DRC11: variants seen among roughly 807,000 people sequenced by gnomAD.
DRC11 encodes the protein dynein regulatory complex subunit 11.
the DRC11 span, among the ~76,000 whole-genome samples, chr2:236,462,867 T>C: frequency 6.6e-6 from 1 of 152,162 alleles, no homozygotes. This position sits in a 1 kb window ranked among gnomAD's most constrained non-coding sequence, Gnocchi z 6.4. Context: ...ACAGTTAACA[T>C]GAAAGAGACT....
At chr2:236,431,406 A>G in the DRC11 span, among the ~76,000 whole-genome samples, 2 of 152,208 alleles carry the variant, frequency 1.3e-5, no homozygotes, top group South Asian at 4.1e-4. This position sits in a 1 kb window ranked among gnomAD's most constrained non-coding sequence, Gnocchi z 4.2. Flanking sequence ...GCAAAGGAGG[A>G]AAAGCCCCTT....
chr2:236,486,425 ACTAATCCAC>A, the DRC11 span, among the ~76,000 whole-genome samples: 2 of 152,120 alleles, frequency 1.3e-5, no homozygotes, highest in South Asian at 2.1e-4. This position sits in a 1 kb window ranked among gnomAD's most constrained non-coding sequence, Gnocchi z 5.7. Context: ...ACAATAGATA[ACTAATCCAC>A]CTAATCCACC....
chr2:236,449,326 G>GGAGGCACCTGCCC, the DRC11 span, among the ~76,000 whole-genome samples: 1 of 152,134 alleles, frequency 6.6e-6, no homozygotes, highest in Non-Finnish European at 1.5e-5. This position sits in a 1 kb window ranked among gnomAD's most constrained non-coding sequence, Gnocchi z 5.1. Flanking sequence ...CTCTGCTGTA[G>GGAGGCACCTGCCC]GAGGCACCTG....
At chr2:236,364,295 CTTTT>C in the DRC11 span, among the ~76,000 whole-genome samples, 5 of 128,624 alleles carry the variant, frequency 3.9e-5, no homozygotes, top group East Asian at 2.2e-4. Context: ...TTACCTCTGG[CTTTT>C]TTTTTTTTTT....
At chr2:236,433,901 T>G in the DRC11 span, among the ~76,000 whole-genome samples, 1 of 152,248 alleles carries the variant, frequency 6.6e-6, no homozygotes, top group Admixed American at 6.5e-5. Flanking sequence ...TTAAGAAATA[T>G]TTTATAATGT....
the DRC11 span, among the ~76,000 whole-genome samples, chr2:236,377,455 C>A: frequency 6.6e-6 from 1 of 152,166 alleles, no homozygotes; most frequent in Non-Finnish European, 1.5e-5. This position sits in a 1 kb window ranked among gnomAD's most constrained non-coding sequence, Gnocchi z 4.9. Context: ...GCTCTAACTC[C>A]TGCAGTCTGC....
chr2:236,504,262 ACT>A, the DRC11 span, among the ~76,000 whole-genome samples: 1 of 151,776 alleles, frequency 6.6e-6, no homozygotes, highest in African/African-American at 2.4e-5. This position sits in a 1 kb window ranked among gnomAD's most constrained non-coding sequence, Gnocchi z 5.0. Context: ...ATTCATCCAC[ACT>A]GTCGCATACT....
At chr2:236,494,856 C>A in the DRC11 span, among the ~76,000 whole-genome samples, 2 of 151,956 alleles carry the variant, frequency 1.3e-5, no homozygotes, top group Admixed American at 6.6e-5. The surrounding 1 kb of genome is among the most constrained non-coding windows in gnomAD (Gnocchi z 4.2). Context: ...CTGGGGGTGA[C>A]GGGAGAGTGA....
the DRC11 span, among the ~76,000 whole-genome samples, chr2:236,355,236 G>C: frequency 9.2e-5 from 14 of 152,260 alleles, no homozygotes; most frequent in African/African-American, 3.4e-4. Context: ...CTAGTGAGGT[G>C]TCTGTCTGTG....
the DRC11 span, among the ~76,000 whole-genome samples, chr2:236,417,133 G>C: frequency 1.3e-5 from 2 of 152,078 alleles, no homozygotes; most frequent in East Asian, 3.9e-4. Context: ...GCCTCCCAAA[G>C]TGCTGGGATT....
the DRC11 span, among the ~76,000 whole-genome samples, chr2:236,407,252 A>G: frequency 6.6e-6 from 1 of 152,226 alleles, no homozygotes; most frequent in Non-Finnish European, 1.5e-5. Context: ...TACATTTGTC[A>G]CAAGTTTCTT....
chr2:236,396,678 T>C, the DRC11 span, among the ~76,000 whole-genome samples: 1 of 152,264 alleles, frequency 6.6e-6, no homozygotes, highest in South Asian at 2.1e-4. Context: ...AAAGTCAGAG[T>C]ATTAAACAGA....
chr2:236,341,221 C>T, the DRC11 span, among the ~76,000 whole-genome samples: 1 of 152,252 alleles, frequency 6.6e-6, no homozygotes, highest in Admixed American at 6.5e-5. Context: ...CAGGGAGGCG[C>T]TTGCTAGATG....
the DRC11 span, chr2:236,503,689 G>A: frequency 1.3e-5 from 20 of 1,550,672 alleles, no homozygotes; most frequent in African/African-American, 2.6e-4. The surrounding 1 kb of genome is among the most constrained non-coding windows in gnomAD (Gnocchi z 4.9). Flanking sequence ...CTCTTCCCTC[G>A]AGACTGTCTC....
the DRC11 span, among the ~76,000 whole-genome samples, chr2:236,447,791 G>A: frequency 8.4e-4 from 127 of 151,776 alleles, no homozygotes; most frequent in African/African-American, 2.9e-3. The surrounding 1 kb of genome is among the most constrained non-coding windows in gnomAD (Gnocchi z 4.6). Context: ...TTTCTGCATC[G>A]CTGGTTCCAT....
chr2:236,507,020 G>A, the DRC11 span, among the ~76,000 whole-genome samples: 4 of 152,174 alleles, frequency 2.6e-5, no homozygotes, highest in Admixed American at 2.6e-4. Context: ...ATGGGGTGGT[G>A]GGACGCGTAG....
chr2:236,402,505 G>T, the DRC11 span, among the ~76,000 whole-genome samples: 1 of 152,248 alleles, frequency 6.6e-6, no homozygotes, highest in Non-Finnish European at 1.5e-5. The surrounding 1 kb of genome is among the most constrained non-coding windows in gnomAD (Gnocchi z 6.0). Context: ...AGCTTCAGGG[G>T]AGGCCCGGGG....
chr2:236,315,914 T>C, the DRC11 span, among the ~76,000 whole-genome samples: 1 of 151,984 alleles, frequency 6.6e-6, no homozygotes, highest in African/African-American at 2.4e-5. This position sits in a 1 kb window ranked among gnomAD's most constrained non-coding sequence, Gnocchi z 5.1. Context: ...ACCTAAGTAA[T>C]GGGTTGATAG....
chr2:236,357,250 ATATC>A, the DRC11 span, among the ~76,000 whole-genome samples: 1,148 of 105,884 alleles, frequency 0.011, 11 homozygotes, highest in Non-Finnish European at 0.011. Context: ...CATATAGTAT[ATATC>A]TATATATTAT....
Sources: allele counts gnomAD v4.1 joint callset (sites outside exome capture counted in the v4.1 genomes callset), GRCh38; gene constraint gnomAD v4.1.1; non-coding constraint Gnocchi (gnomAD v3.1); transcripts MANE v1.5; gene names NCBI Gene and HGNC (gene_info 2026-07-23, HGNC 2026-07-21).